The following DYNC2H1 variants were observed in gnomAD, a reference collection of about 807,000 sequenced individuals.
DYNC2H1 encodes cytoplasmic dynein 2 heavy chain 1.
DYNC2H1 carries 410 observed loss-of-function variants against 570.0 expected under a neutral mutation model. That is an observed-to-expected ratio of 0.72 (90% CI 0.66 to 0.78). DYNC2H1 has a LOEUF of 0.78. Ranked by LOEUF, DYNC2H1 falls within the 30% of genes least tolerant of loss-of-function variation. The pLI, the probability that DYNC2H1 is intolerant of heterozygous loss-of-function variation, is 0.00. For missense variants in DYNC2H1, 4,865 were observed against 5,046.4 expected (o/e 0.96, Z 1.09); for synonymous variants, 1,688 against 1,677.6 (o/e 1.01, Z -0.15).
intron 18 of DYNC2H1, among the ~76,000 whole-genome samples, chr11:103,147,031 A>G (rs1388997828): frequency 6.6e-6 from 1 of 152,156 alleles, no homozygotes; most frequent in Non-Finnish European, 1.5e-5. Context: ...TCTTGTTTCA[A>G]ACTTTTCACT....
chr11:103,243,826 A>G lies in DYNC2H1; in HGVS notation c.9918+35A>G, dbSNP rs1864510561. The G allele has an allele frequency of 6.8e-7, 1 of 1,469,052 alleles. No homozygotes were observed. The highest frequency in any genetic ancestry group is 1.4e-5 in the African/African-American group (1 of 71,300). 91.0% of individuals were successfully genotyped at this position (1,469,052 alleles called of 1,614,324 possible). A position where few individuals can be genotyped will look rare whatever the true frequency, so the allele number is the denominator to read the frequency against. ...ATTTATAATTTACATACCAATTAGG[A>G]ATGACCTCTTATAGTGAAAAGATCT... On this transcript the variant is annotated intron_variant, in intron 64 of 88. Coordinates refer to ENST00000375735, the MANE Select transcript of DYNC2H1 (RefSeq NM_001377.3). The surrounding 1 kb of genome is among the most constrained non-coding windows in gnomAD (Gnocchi z 4.8).
Position 103,399,770 on chromosome 11 carries a change from A to G in DYNC2H1, c.12264A>G (p.Gln4088=), listed in dbSNP as rs1942560974. 1 of 1,613,778 alleles carries G rather than the reference A, an allele frequency of 6.2e-7. No individual in the cohort carries two copies. The highest frequency in any genetic ancestry group is 1.1e-5 in the South Asian group (1 of 91,074). The change falls in exon 84 of 89, where the codon CAA becomes CAG. Residue 4088 remains glutamine, a synonymous_variant. Transcript: ENST00000375735. The stretch of plus-strand genomic sequence containing the variant: ...AATTTAATGCTATTCGTTTAGTACA[A>G]AGTGTCCACCAGTCTCTTGCTGCTC... The part of the protein sequence containing the change: ...LEQFNAIRLV[Q]SVHQSLAALS...
At chr11:103,167,410 G>A (rs1861371933) in intron 31 of DYNC2H1, among the ~76,000 whole-genome samples, 3 of 151,992 alleles carry the variant, frequency 2.0e-5, no homozygotes, top group Admixed American at 2.0e-4. Context: ...TGAGATTACA[G>A]ACATGTGTCA....
At chr11:103,377,912 T>A (rs1310804340) in intron 83 of DYNC2H1, among the ~76,000 whole-genome samples, 1 of 143,828 alleles carries the variant, frequency 7.0e-6, no homozygotes, top group African/African-American at 2.6e-5. Context: ...AATTTTTGTA[T>A]TTTTAGTAGA....
chr11:103,150,239 C>T (rs775880616), intron 20 of DYNC2H1, among the ~76,000 whole-genome samples: 4 of 152,128 alleles, frequency 2.6e-5, no homozygotes, highest in Non-Finnish European at 4.4e-5. Flanking sequence ...TGGAGTGACA[C>T]AATGTCTCTG....
intron 83 of DYNC2H1, among the ~76,000 whole-genome samples, chr11:103,399,170 T>G: frequency 7.2e-6 from 1 of 138,618 alleles, no homozygotes; most frequent in Admixed American, 8.2e-5. Context: ...TGAGATGGAG[T>G]CTCACTCTGT....
intron 83 of DYNC2H1, among the ~76,000 whole-genome samples, chr11:103,388,060 G>A (rs1157462912): frequency 3.9e-5 from 6 of 152,288 alleles, no homozygotes; most frequent in Admixed American, 1.3e-4. Flanking sequence ...GTAGCTTGAT[G>A]GGGATGGCAT....
chr11:103,444,631 T>A (rs1026791897), intron 85 of DYNC2H1, among the ~76,000 whole-genome samples: 1 of 152,278 alleles, frequency 6.6e-6, no homozygotes, highest in African/African-American at 2.4e-5. Context: ...TTAAGGGGGC[T>A]AGAGACAAGT....
At chr11:103,355,395 G>C (rs887731009) in intron 82 of DYNC2H1, among the ~76,000 whole-genome samples, 32 of 152,134 alleles carry the variant, frequency 2.1e-4, no homozygotes, top group African/African-American at 7.7e-4. Flanking sequence ...GAGGAAATTA[G>C]TGTAAGAGAA....
chr11:103,390,045 A>G lies in DYNC2H1; in HGVS notation c.12157-9618A>G, dbSNP rs191254002. Among the ~76,000 whole-genome samples the G allele has an allele frequency of 2.6e-3, 399 of 152,206 alleles. 4 individuals carry two copies. The highest frequency in any genetic ancestry group is 8.8e-3 in the African/African-American group (367 of 41,526). On this transcript the variant is annotated intron_variant, in intron 83 of 88. Coordinates refer to ENST00000375735, the MANE Select transcript of DYNC2H1 (RefSeq NM_001377.3). ...GTGCAGAGCTGAGTTCAATTCCTGGATATCCTTGCGAAATTTCTGTCTTGT... is the reference window on the plus strand; with the variant it reads ...GTGCAGAGCTGAGTTCAATTCCTGGGTATCCTTGCGAAATTTCTGTCTTGT...
intron 85 of DYNC2H1, among the ~76,000 whole-genome samples, chr11:103,436,937 C>G (rs1944084738): frequency 6.6e-6 from 1 of 152,088 alleles, no homozygotes; most frequent in African/African-American, 2.4e-5. Flanking sequence ...TTTCCAAAAA[C>G]CATTTAACTT....
intron 70 of DYNC2H1, among the ~76,000 whole-genome samples, chr11:103,279,837 A>C (rs1866061601): frequency 6.6e-6 from 1 of 152,062 alleles, no homozygotes; most frequent in Non-Finnish European, 1.5e-5. Flanking sequence ...TGTTGTTTGG[A>C]CTTATTTGGT....
intron 82 of DYNC2H1, among the ~76,000 whole-genome samples, chr11:103,350,232 GAAGTTAAAAATATAAT>G (rs979255640): frequency 2.6e-5 from 4 of 152,022 alleles, no homozygotes; most frequent in Non-Finnish European, 4.4e-5. Context: ...TATTTGGGCT[GAAGTTAAAAATATAAT>G]ATTGTTTAAT....
intron 54 of DYNC2H1, among the ~76,000 whole-genome samples, chr11:103,212,878 T>G (rs970975514): frequency 6.6e-6 from 1 of 152,196 alleles, no homozygotes; most frequent in Non-Finnish European, 1.5e-5. Context: ...ACTTACTGTT[T>G]TGCAGCTTAA....
At chr11:103,409,899 G>A (rs1395440715) in intron 84 of DYNC2H1, among the ~76,000 whole-genome samples, 2 of 150,546 alleles carry the variant, frequency 1.3e-5, no homozygotes, top group African/African-American at 2.5e-5. Flanking sequence ...GCTTGATTCA[G>A]TTCTTTCATC....
intron 85 of DYNC2H1, among the ~76,000 whole-genome samples, chr11:103,449,791 T>C (rs1443489758): frequency 6.6e-6 from 1 of 152,176 alleles, no homozygotes; most frequent in African/African-American, 2.4e-5. Flanking sequence ...CTGAAATGTT[T>C]ACCTACAAAA....
chr11:103,273,127 C>T (rs1335845185), intron 70 of DYNC2H1, among the ~76,000 whole-genome samples: 2 of 148,494 alleles, frequency 1.3e-5, no homozygotes, highest in East Asian at 2.0e-4. Context: ...TTCTCCCTTC[C>T]CTTCCCTCCC....
In DYNC2H1 at chr11:103,376,780, T is replaced by A. The variant is rs1312131561; in HGVS notation, c.12156+18421T>A. 2.6e-5 allele frequency among the ~76,000 whole-genome samples: 4 copies of A among 152,202 alleles called. No homozygotes were observed. In the East Asian group the frequency reaches 7.7e-4, roughly 29 times the overall value. ...TATAAATTAACATCTACTGGTGGGT[T>A]TTATACTTTCATGTGCTTTTATCAT... On this transcript the variant is annotated intron_variant, in intron 83 of 88. Coordinates refer to ENST00000375735, the MANE Select transcript of DYNC2H1 (RefSeq NM_001377.3).
At chr11:103,156,845 A>G (rs1860856962) in intron 26 of DYNC2H1, 75 bp downstream of exon 26, 2 of 1,527,156 alleles carry the variant, frequency 1.3e-6, no homozygotes, top group South Asian at 1.2e-5. Flanking sequence ...AGTGCTTAAT[A>G]CAGGCAAATT....
Sources: gnomAD v4.1 joint callset for allele counts (sites outside exome capture counted in the v4.1 genomes callset) on GRCh38, gnomAD v4.1.1 for gene constraint, Gnocchi (gnomAD v3.1) non-coding constraint, MANE v1.5 for transcripts, NCBI Gene and HGNC (gene_info 2026-07-23, HGNC 2026-07-21) for gene names.